The following MUC4 variants were observed in gnomAD, a reference collection of about 807,000 sequenced individuals.
MUC4 encodes mucin-4.
MUC4 carries 202 observed loss-of-function variants against 257.9 expected under a neutral mutation model. The observed-to-expected ratio is 0.78, with a 90% CI of 0.70 to 0.88. The LOEUF (loss-of-function observed/expected upper bound fraction) is 0.88, where lower values mean the gene tolerates loss of function less well. MUC4 is among the 40% of genes least tolerant of loss of function. The pLI is 0.00. For synonymous variants in MUC4, 2,351 were observed against 2,757.1 expected (o/e 0.85, Z 4.62); for missense variants, 5,976 against 6,513.7 (o/e 0.92, Z 2.84).
rs71617319 is a variant in MUC4, at chr3:195,785,037, G to A, written c.6543C>T (p.Asp2181=). Residue 2181 remains aspartate (D), a synonymous_variant, in exon 2 of 25, where the codon GAC becomes GAT. Transcript: ENST00000463781. Reference sequence around the variant, plus strand: ...CGTGACCTGTGGATGCTGAGGAAGTGTCGGTGACAGGAAGAGAGGTGGCGT... The same window carrying A: ...CGTGACCTGTGGATGCTGAGGAAGTATCGGTGACAGGAAGAGAGGTGGCGT... ...TGHATSLPVT[D]TSSASTGHAT... The A allele has an allele frequency of 3.9e-6, 6 of 1,549,440 alleles. No individual in the cohort carries two copies. The East Asian group carries it at 7.3e-5, about 19-fold the overall frequency.
chr3:195,785,916 AG>A lies in MUC4; in HGVS notation c.5663del (p.Pro1888LeufsTer1116). The A allele has an allele frequency of 6.7e-7, 1 of 1,502,502 alleles. No homozygotes were observed. Among genetic ancestry groups the A allele is most frequent in the Non-Finnish European group, 8.9e-7 (1 of 1,119,064 alleles). The allele number at this position is 1,502,502 out of a possible 1,614,324, so 93.1% of individuals were successfully genotyped here. A position where few individuals can be genotyped will look rare whatever the true frequency, so the allele number is the denominator to read the frequency against. ...CTGAGTTAGTGTCGGTGACAGGAAG[AG>A]GGGTGGTGTCACCTGTGGATACTGA... ...ASSVSTGDTT[P>X]LPVTDTNSAS... On this transcript the variant is annotated frameshift_variant, in exon 2 of 25. Transcript: ENST00000463781. LOFTEE classifies it high-confidence loss of function.
intron 13 of MUC4, 60 bp from the exon 14 acceptor site, chr3:195,762,314 C>A: frequency 6.7e-7 from 1 of 1,491,048 alleles, no homozygotes; most frequent in East Asian, 2.5e-5. Flanking sequence ...CGCACCAAAC[C>A]CGCGCCCTGC....
chr3:195,773,111 G>A (rs1240905755), intron 4 of MUC4, among the ~76,000 whole-genome samples: 49 of 132,576 alleles, frequency 3.7e-4, no homozygotes, highest in Non-Finnish European at 6.6e-4. Context: ...TCTCTCCATC[G>A]CTCAGGGGTG....
chr3:195,753,300 C>T, intron 19 of MUC4, 70 bp from the exon 20 acceptor site: 1 of 1,487,312 alleles, frequency 6.7e-7, no homozygotes, highest in South Asian at 1.2e-5. Context: ...CCGTGGAAAC[C>T]CGCTCCGGGA....
Position 195,774,214 on chromosome 3 carries a change from C to T in MUC4, c.13035G>A (p.Ala4345=), listed in dbSNP as rs368423965. Residue 4345 remains alanine, a synonymous_variant, in exon 4 of 25, where the codon GCG becomes GCA. Coordinates refer to ENST00000463781, the MANE Select transcript of MUC4 (RefSeq NM_018406.7). ...VDFTSPLFKP[A]TGFPLGSSLR... ...GAGAGGAGCCAAGGGGGAAGCCAGT[C>T]GCCGGCTTGAAGAGTGGGGAGGTGA... The T allele has an allele frequency of 1.6e-5, 26 of 1,608,274 alleles. No individual in the cohort carries two copies. The highest frequency in any genetic ancestry group is 1.0e-4 in the Admixed American group (6 of 59,402).
chr3:195,791,310 G>T lies in MUC4; in HGVS notation c.270C>A (p.Thr90=), dbSNP rs756592872. 1 of 1,613,764 alleles carries T rather than the reference G, an allele frequency of 6.2e-7. No homozygotes were observed. The highest frequency in any genetic ancestry group is 8.5e-7 in the Non-Finnish European group (1 of 1,179,876). ...KSTETTSKAQ[T]DTLTQMMTST... ...ATGTCATCATCTGCGTGAGGGTGTC[G>T]GTTTGAGCTTTGCTGGTGGTCTCCG... Residue 90 remains threonine (T), a synonymous_variant, in exon 2 of 25, where the codon ACC becomes ACA. Coordinates refer to ENST00000463781, the MANE Select transcript of MUC4 (RefSeq NM_018406.7).
chr3:195,760,640 C>T (rs13070783), intron 16 of MUC4, among the ~76,000 whole-genome samples: 1,113 of 32,640 alleles, frequency 0.034, 8 homozygotes, highest in East Asian at 0.074. Context: ...CTAGGATGGA[C>T]GGAGGGGGCT....
Position 195,782,550 on chromosome 3 carries a change from AG to A in MUC4, c.9029del (p.Pro3010LeufsTer1249). ...SASIGHATSLPVTDTSSISTG... is the reference protein window; with the variant it reads ...SASIGHATSLXVTDTSSISTG... ...TGGATATTGAGGAAGTGTCGGTGAC[AG>A]GAAGAGAGGTGGCGTGACCTATGGA... is the stretch of plus-strand genomic sequence containing the variant. On this transcript the variant is annotated frameshift_variant, in exon 2 of 25. Coordinates refer to ENST00000463781, the MANE Select transcript of MUC4 (RefSeq NM_018406.7). LOFTEE classifies it high-confidence loss of function. The A allele has an allele frequency of 1.1e-6, 1 of 920,702 alleles. No homozygotes were observed. Among genetic ancestry groups the A allele is most frequent in the East Asian group, 4.6e-5 (1 of 21,508 alleles). The allele number at this position is 920,702 out of a possible 1,614,324, so 57.0% of individuals were successfully genotyped here.
rs1716373160 is a variant in MUC4, at chr3:195,751,247, C to G, written c.15607G>C (p.Asp5203His). 5 of 1,607,068 alleles carry G rather than the reference C, an allele frequency of 3.1e-6. No homozygotes were observed. In the Admixed American group the frequency reaches 8.4e-5, roughly 27 times the overall value. Reference sequence around the variant, plus strand: ...CTGTTGCGGAGAAAGGCCCGCATGTCCAGGGTCCCCAGTCTGTATGCCACC... The same window carrying G: ...CTGTTGCGGAGAAAGGCCCGCATGTGCAGGGTCCCCAGTCTGTATGCCACC... ...ASVAYRLGTL[D>H]MRAFLRNSQV... Residue 5203 changes from aspartate to histidine, a missense_variant, in exon 22 of 25, where the codon GAC (aspartate) becomes CAC (histidine). Around this residue, in one of 44 missense-constraint regions of MUC4, gnomAD observed 996 missense variants for 1,137.3 expected, o/e 0.88. Transcript: ENST00000463781.
Position 195,753,520 on chromosome 3 carries a change from T to C in MUC4, c.15329-290A>G, listed in dbSNP as rs988269516. ...GGCAGAGGAGGGGCCCCCAGCTGGC[T>C]TTCCTCACGCCCTCCCCTCTCACGT... is the stretch of plus-strand genomic sequence containing the variant. On this transcript the variant is annotated intron_variant, in intron 19 of 24. Coordinates refer to ENST00000463781, the MANE Select transcript of MUC4 (RefSeq NM_018406.7). 1.8e-5 allele frequency: 9 copies of C among 495,022 alleles called. No individual in the cohort carries two copies. The African/African-American group carries it at 1.8e-4, about 10-fold the overall frequency. The allele number at this position is 495,022 out of a possible 1,614,324, so 30.7% of individuals were successfully genotyped here.
In MUC4 at chr3:195,754,367, A is replaced by G. The variant is rs1407266804; in HGVS notation, c.15174T>C (p.Ala5058=). The G allele has an allele frequency of 6.2e-7, 1 of 1,606,510 alleles. No homozygotes were observed. The highest frequency in any genetic ancestry group is 1.7e-5 in the Admixed American group (1 of 59,572). Residue 5058 remains alanine, a synonymous_variant, in exon 19 of 25, where the codon GCT becomes GCC. Coordinates refer to ENST00000463781, the MANE Select transcript of MUC4 (RefSeq NM_018406.7). Reference sequence around the variant, plus strand: ...AGGTGCCCCCGTCACACTTGCAGCCAGCCACCTGGAGGAGGGTTGCCGATC... The same window carrying G: ...AGGTGCCCCCGTCACACTTGCAGCCGGCCACCTGGAGGAGGGTTGCCGATC... The part of the protein sequence containing the change: ...SRVGNSSLEV[A]GCKCDGGTFG...
intron 1 of MUC4, among the ~76,000 whole-genome samples, chr3:195,799,718 G>A (rs969720096): frequency 3.3e-5 from 5 of 152,098 alleles, no homozygotes; most frequent in South Asian, 2.1e-4. Context: ...GACTATCTTC[G>A]TGTCTAATGT....
At chr3:195,808,048 C>T (rs1322900052) in intron 1 of MUC4, among the ~76,000 whole-genome samples, 1 of 152,176 alleles carries the variant, frequency 6.6e-6, no homozygotes, top group Non-Finnish European at 1.5e-5. Context: ...AAGCCACATT[C>T]TGAATACACC....
intron 1 of MUC4, among the ~76,000 whole-genome samples, chr3:195,795,849 G>A (rs1213947631): frequency 1.5e-5 from 2 of 131,324 alleles, no homozygotes; most frequent in African/African-American, 6.1e-5. Context: ...GTGGGGGAGG[G>A]GGGTGGGAGG....
chr3:195,789,038 G>A lies in MUC4; in HGVS notation c.2542C>T (p.Leu848=). ...SHTTQSTTEL[L]SASASHGAIP... ...GCACCATGACTGGCTGAGGCGGACA[G>A]CAATTCGGTTGTTGACTGGGTTGTG... Residue 848 remains leucine, a synonymous_variant, in exon 2 of 25, where the codon CTG becomes TTG. Transcript: ENST00000463781. 1.2e-6 allele frequency: 2 copies of A among 1,613,856 alleles called. No individual in the cohort carries two copies. The highest frequency in any genetic ancestry group is 8.5e-7 in the Non-Finnish European group (1 of 1,179,844).
intron 16 of MUC4, among the ~76,000 whole-genome samples, chr3:195,759,934 C>CGCACGCACACACACACACACAT (rs1473741481): frequency 4.6e-5 from 7 of 151,910 alleles, no homozygotes; most frequent in Admixed American, 1.3e-4. Flanking sequence ...CACACACACA[C>CGCACGCACACACACACACACAT]GCACAAAACC....
At chr3:195,751,444 G>C (rs1030550825) in intron 21 of MUC4, 173 bp from the exon 22 acceptor site, 1 of 629,412 alleles carries the variant, frequency 1.6e-6, no homozygotes, top group South Asian at 1.9e-5. Flanking sequence ...AGCTCAGTGA[G>C]TGTCATGGGT....
chr3:195,754,003 A>T, intron 19 of MUC4: 1 of 600,350 alleles, frequency 1.7e-6, no homozygotes. Context: ...GCCCCACACC[A>T]TCCACCACCC....
chr3:195,765,541 A>G, intron 8 of MUC4, 92 bp from the exon 9 acceptor site: 2 of 1,243,108 alleles, frequency 1.6e-6, no homozygotes, highest in Non-Finnish European at 2.2e-6. Flanking sequence ...TCACAAATGC[A>G]CCCCCTCCTG....
Sources: allele counts gnomAD v4.1 joint callset (sites outside exome capture counted in the v4.1 genomes callset), GRCh38; gene constraint gnomAD v4.1.1; regional missense constraint gnomAD v4.1.1; transcripts MANE v1.5; gene names NCBI Gene and HGNC (gene_info 2026-07-23, HGNC 2026-07-21).